Variants in YWHAQ observed in about 807,000 individuals in gnomAD.
YWHAQ encodes tyrosine 3-monooxygenase/tryptophan 5-monooxygenase activation protein theta.
A neutral mutation model predicts 28.3 loss-of-function variants in YWHAQ; 6 were observed. The observed-to-expected ratio is 0.21, with a 90% CI of 0.12 to 0.42. The LOEUF (loss-of-function observed/expected upper bound fraction) is 0.42, where lower values mean the gene tolerates loss of function less well. YWHAQ is among the 10% of genes least tolerant of loss of function. The probability of loss-of-function intolerance (pLI) is 1.00; values close to 1 mark genes in which losing one functional copy is unlikely to be tolerated. For missense variants in YWHAQ, 201 were observed against 305.6 expected (o/e 0.66, Z 2.55); for synonymous variants, 143 against 119.1 (o/e 1.20, Z -1.31).
At chr2:9,610,791 A>G (rs1276739499) in intron 2 of YWHAQ, among the ~76,000 whole-genome samples, 3 of 152,110 alleles carry the variant, frequency 2.0e-5, no homozygotes, top group Admixed American at 6.6e-5. Flanking sequence ...TACAGGCATG[A>G]GCCACCGCAC....
At chr2:9,593,905 A>AAAAAT (rs1205661739) in intron 2 of YWHAQ, among the ~76,000 whole-genome samples, 41 of 127,634 alleles carry the variant, frequency 3.2e-4, no homozygotes, top group Middle Eastern at 8.6e-3. Flanking sequence ...GATTAAAAAA[A>AAAAAT]ATATATATAT....
intron 2 of YWHAQ, among the ~76,000 whole-genome samples, chr2:9,620,873 C>A (rs948131610): frequency 6.6e-6 from 1 of 152,096 alleles, no homozygotes. Flanking sequence ...TGCTCAATCA[C>A]CCAAACACAG....
intron 2 of YWHAQ, among the ~76,000 whole-genome samples, chr2:9,605,380 C>T (rs1054679006): frequency 6.6e-5 from 10 of 152,098 alleles, no homozygotes; most frequent in African/African-American, 2.4e-4. Flanking sequence ...AGTGATCCTC[C>T]CACGTCAGCC....
At chr2:9,602,906 A>G (rs11888902) in intron 2 of YWHAQ, among the ~76,000 whole-genome samples, 9,465 of 98,174 alleles carry the variant, frequency 0.096, 588 homozygotes, top group Middle Eastern at 0.14. Context: ...TATATATAGT[A>G]GGGACACAGT....
chr2:9,630,432 G>T lies in YWHAQ; in HGVS notation c.21C>A (p.Ile7=). 1.9e-6 allele frequency: 3 copies of T among 1,610,898 alleles called. No individual in the cohort carries two copies. The highest frequency in any genetic ancestry group is 1.7e-6 in the Non-Finnish European group (2 of 1,179,810). The change falls in exon 2 of 6, where the codon ATC becomes ATA. Residue 7 remains isoleucine (I), a synonymous_variant. Transcript: ENST00000238081. The surrounding 1 kb of genome is among the most constrained non-coding windows in gnomAD (Gnocchi z 5.6). ...CCTGCTCGGCCAGCTTGGCCTTCTGGATCAGCTCAGTCTTCTCCATGGCGG... is the reference window on the plus strand; with the variant it reads ...CCTGCTCGGCCAGCTTGGCCTTCTGTATCAGCTCAGTCTTCTCCATGGCGG... MEKTEL[I]QKAKLAEQAE...
At chr2:9,612,851 G>C (rs1666976471) in intron 2 of YWHAQ, among the ~76,000 whole-genome samples, 1 of 152,216 alleles carries the variant, frequency 6.6e-6, no homozygotes, top group Non-Finnish European at 1.5e-5. Context: ...AGAGTGACTG[G>C]TCATGAAGGT....
chr2:9,614,605 C>T (rs1469877308), intron 2 of YWHAQ, among the ~76,000 whole-genome samples: 1 of 152,116 alleles, frequency 6.6e-6, no homozygotes, highest in East Asian at 1.9e-4. Context: ...GCCTTGCTAG[C>T]TTAGTATATA....
At position 9,587,466 on chromosome 2, in the gene YWHAQ, T is replaced by C; in HGVS notation, c.626A>G (p.Asp209Gly). 7 of 1,611,148 alleles carry C rather than the reference T, an allele frequency of 4.3e-6. No homozygotes were observed. The highest frequency in any genetic ancestry group is 5.9e-6 in the Non-Finnish European group (7 of 1,178,278). Residue 209 changes from aspartate to glycine, a missense_variant, in exon 5 of 6, where the codon GAC (aspartate) becomes GGC (glycine). This residue lies in a region of YWHAQ where 39 missense variants were observed against 91.7 expected (regional missense o/e 0.43). Coordinates refer to ENST00000238081, the MANE Select transcript of YWHAQ (RefSeq NM_006826.4). ...AIAELDTLNE[D>G]SYKDSTLIMQ... ...GATGAGGGTGCTGTCTTTGTATGAGTCTTCATTCAGTGTATCAAGTTCAGC... is the reference window on the plus strand; with the variant it reads ...GATGAGGGTGCTGTCTTTGTATGAGCCTTCATTCAGTGTATCAAGTTCAGC...
chr2:9,613,803 T>C (rs866633457), intron 2 of YWHAQ, among the ~76,000 whole-genome samples: 3 of 152,098 alleles, frequency 2.0e-5, no homozygotes, highest in Admixed American at 1.3e-4. Flanking sequence ...CCCCAAACAA[T>C]TAACCACGTA....
intron 2 of YWHAQ, among the ~76,000 whole-genome samples, chr2:9,600,982 A>G (rs1666681793): frequency 6.6e-6 from 1 of 152,220 alleles, no homozygotes; most frequent in African/African-American, 2.4e-5. Context: ...ACTACAGTAT[A>G]GTGTAAGCAT....
In YWHAQ at chr2:9,584,639, G is replaced by A. The variant is rs1040428109; in HGVS notation, c.*647C>T. On this transcript the variant is annotated 3_prime_UTR_variant, in exon 6 of 6. Transcript: ENST00000238081. ...AGGAGGTGTAAGTGAATTTTTATTG[G>A]GAGGGGAGGTTGGCAACTTAAACAG... 3.3e-5 allele frequency: 5 copies of A among 152,660 alleles called. No homozygotes were observed. The highest frequency in any genetic ancestry group is 1.2e-4 in the African/African-American group (5 of 41,442). The allele number at this position is 152,660 out of a possible 1,614,324, so 9.5% of individuals were successfully genotyped here. A position where few individuals can be genotyped will look rare whatever the true frequency, so the allele number is the denominator to read the frequency against.
At chr2:9,591,575 A>T in intron 2 of YWHAQ, 60 bp from the exon 3 acceptor site, 7 of 1,540,926 alleles carry the variant, frequency 4.5e-6, no homozygotes, top group Non-Finnish European at 6.2e-6. Flanking sequence ...CATTATCATT[A>T]AATGATAAAA....
intron 2 of YWHAQ, among the ~76,000 whole-genome samples, chr2:9,592,122 G>A (rs887710649): frequency 2.0e-5 from 3 of 152,178 alleles, no homozygotes; most frequent in Non-Finnish European, 2.9e-5. Flanking sequence ...CATCAAGTAC[G>A]AGGGAGAATA....
Position 9,630,130 on chromosome 2 carries a change from C to A in YWHAQ, c.294+29G>T. ...CAATGAAAAGCATCTCACAAAAGGC[C>A]TCCCCTGCTCCCCGCGCCGAGGACT... is the stretch of plus-strand genomic sequence containing the variant. On this transcript the variant is annotated intron_variant, in intron 2 of 5. Coordinates refer to ENST00000238081, the MANE Select transcript of YWHAQ (RefSeq NM_006826.4). The surrounding 1 kb of genome is among the most constrained non-coding windows in gnomAD (Gnocchi z 5.6). The A allele has an allele frequency of 6.3e-7, 1 of 1,591,544 alleles. No individual in the cohort carries two copies. The highest frequency in any genetic ancestry group is 8.6e-7 in the Non-Finnish European group (1 of 1,165,254).
chr2:9,613,583 A>C (rs1336122837), intron 2 of YWHAQ, among the ~76,000 whole-genome samples: 1 of 152,184 alleles, frequency 6.6e-6, no homozygotes, highest in Non-Finnish European at 1.5e-5. Flanking sequence ...AGAATCCAAG[A>C]CTCTAAATAC....
chr2:9,607,714 T>TC (rs1666861389), intron 2 of YWHAQ, among the ~76,000 whole-genome samples: 1 of 148,442 alleles, frequency 6.7e-6, no homozygotes, highest in Non-Finnish European at 1.5e-5. Context: ...TCTTCCTCTT[T>TC]TTTTTTTTTT....
intron 2 of YWHAQ, among the ~76,000 whole-genome samples, chr2:9,594,543 G>A (rs1236040843): frequency 6.6e-6 from 1 of 152,100 alleles, no homozygotes; most frequent in Non-Finnish European, 1.5e-5. Flanking sequence ...TTTATACCGA[G>A]AGAAATACCA....
At chr2:9,622,033 T>C (rs1028517377) in intron 2 of YWHAQ, among the ~76,000 whole-genome samples, 6 of 152,036 alleles carry the variant, frequency 3.9e-5, no homozygotes, top group Non-Finnish European at 7.4e-5. Context: ...GCGGGGACTG[T>C]CAGGGCGTCG....
chr2:9,618,197 G>A (rs1294425821), intron 2 of YWHAQ, among the ~76,000 whole-genome samples: 1 of 152,024 alleles, frequency 6.6e-6, no homozygotes, highest in African/African-American at 2.4e-5. Context: ...ACAACTTTGT[G>A]AATAAACTAA....
Sources: gnomAD v4.1 joint callset for allele counts (sites outside exome capture counted in the v4.1 genomes callset) on GRCh38, gnomAD v4.1.1 for gene constraint, gnomAD v4.1.1 regional missense constraint, Gnocchi (gnomAD v3.1) non-coding constraint, MANE v1.5 for transcripts, NCBI Gene and HGNC (gene_info 2026-07-23, HGNC 2026-07-21) for gene names.